The following SLC35F4 variants were observed in gnomAD, a reference collection of about 807,000 sequenced individuals.
SLC35F4 encodes solute carrier family 35 member F4, also known as chromosome 14 open reading frame 36.
Under a neutral mutation model 44.2 loss-of-function variants are expected in SLC35F4, and 24 were observed. The observed-to-expected ratio is 0.54, with a 90% CI of 0.39 to 0.76. The LOEUF (loss-of-function observed/expected upper bound fraction) is 0.76. SLC35F4 is among the 30% of genes least tolerant of loss of function. SLC35F4 has a pLI of 0.00. For missense variants in SLC35F4, 562 were observed against 586.1 expected, an observed-to-expected ratio of 0.96 and a Z score of 0.42; for synonymous variants, 238 against 223.6, an observed-to-expected ratio of 1.06 and a Z score of -0.57.
chr14:57,568,086 G>A (rs2068293533), intron 6 of SLC35F4, among the ~76,000 whole-genome samples: 1 of 152,218 alleles, frequency 6.6e-6, no homozygotes, highest in Non-Finnish European at 1.5e-5. Context: ...TGTGTAACAG[G>A]CTGGAGGGAG....
At chr14:57,775,627 A>T (rs1289283443) in intron 1 of SLC35F4, among the ~76,000 whole-genome samples, 1 of 152,242 alleles carries the variant, frequency 6.6e-6, no homozygotes, top group East Asian at 1.9e-4. Flanking sequence ...CATCAATGGG[A>T]TAACAGAAAT....
Position 57,696,455 on chromosome 14 carries a change from T to C in SLC35F4, c.104-102331A>G, listed in dbSNP as rs148556810. Among the ~76,000 whole-genome samples, 152 of 152,302 alleles carry C rather than the reference T, an allele frequency of 1.0e-3. 1 individual carries two copies. Among genetic ancestry groups the C allele is most frequent in the African/African-American group, 3.4e-3 (141 of 41,578 alleles). On this transcript the variant is annotated intron_variant, in intron 1 of 7. Coordinates refer to ENST00000556826, the MANE Select transcript of SLC35F4 (RefSeq NM_001306087.2). ...AGGATGTGGAGAAATAGGAATGGTT[T>C]TACACTGTTGGTGGGACTGTAAATT...
At chr14:57,684,676 C>T (rs958189243) in intron 1 of SLC35F4, among the ~76,000 whole-genome samples, 7 of 152,190 alleles carry the variant, frequency 4.6e-5, no homozygotes, top group African/African-American at 1.7e-4. Flanking sequence ...CTGAAGAGCT[C>T]TTCCTGGCCT....
chr14:57,968,084 C>T (rs1880935511), intron 1 of SLC35F4, among the ~76,000 whole-genome samples: 1 of 152,118 alleles, frequency 6.6e-6, no homozygotes, highest in African/African-American at 2.4e-5. Context: ...TAAAATTTGT[C>T]AGAAATGTAC....
chr14:57,572,557 T>C (rs1027475639), intron 4 of SLC35F4, among the ~76,000 whole-genome samples: 2 of 152,174 alleles, frequency 1.3e-5, no homozygotes. Flanking sequence ...AAATAAATTC[T>C]CATAGAGATG....
intron 1 of SLC35F4, among the ~76,000 whole-genome samples, chr14:57,711,788 T>C (rs904134621): frequency 3.3e-5 from 5 of 152,218 alleles, no homozygotes; most frequent in Middle Eastern, 3.2e-3. Flanking sequence ...TTAAGCTGCA[T>C]GCAGCACTAC....
At chr14:57,936,319 T>C (rs1358398444) in intron 1 of SLC35F4, among the ~76,000 whole-genome samples, 2 of 152,188 alleles carry the variant, frequency 1.3e-5, no homozygotes, top group Admixed American at 6.5e-5. Context: ...TTAAGGCTCA[T>C]AGGGAATATA....
intron 1 of SLC35F4, among the ~76,000 whole-genome samples, chr14:57,969,030 T>C (rs1214049406): frequency 6.6e-6 from 1 of 152,184 alleles, no homozygotes; most frequent in Non-Finnish European, 1.5e-5. Context: ...ATTAATATAA[T>C]GTTAAAGAGG....
In SLC35F4 at chr14:57,866,015, A is replaced by G. The variant is rs1026394283; in HGVS notation, c.-190T>C. On this transcript the variant is annotated 5_prime_UTR_variant, in exon 1 of 8. Transcript: ENST00000556826. Reference sequence around the variant, plus strand: ...GCGGCGGCGGCGGCGGCGGCGGCGGAGCGGCCCCCACTCGGGCCGGCCTCT... The same window carrying G: ...GCGGCGGCGGCGGCGGCGGCGGCGGGGCGGCCCCCACTCGGGCCGGCCTCT... 1 of 322,798 alleles carries G rather than the reference A, an allele frequency of 3.1e-6. No homozygotes were observed. Among genetic ancestry groups the G allele is most frequent in the East Asian group, 7.6e-5 (1 of 13,128 alleles). The allele number at this position is 322,798 out of a possible 1,614,324, so 20.0% of individuals were successfully genotyped here. A position where few individuals can be genotyped will look rare whatever the true frequency, so the allele number is the denominator to read the frequency against.
chr14:57,895,237 G>T (rs916633148), intron 1 of SLC35F4, among the ~76,000 whole-genome samples: 3 of 152,054 alleles, frequency 2.0e-5, no homozygotes, highest in Admixed American at 6.6e-5. Flanking sequence ...ACTCTTACTG[G>T]CCAAGCACTT....
intron 1 of SLC35F4, among the ~76,000 whole-genome samples, chr14:57,737,361 T>A (rs2076492486): frequency 6.6e-6 from 1 of 152,054 alleles, no homozygotes; most frequent in South Asian, 2.1e-4. Context: ...GATTTCCCAG[T>A]TTATTTTCTG....
At chr14:57,684,562 C>T (rs890841432) in intron 1 of SLC35F4, among the ~76,000 whole-genome samples, 5 of 152,198 alleles carry the variant, frequency 3.3e-5, no homozygotes, top group African/African-American at 1.2e-4. Context: ...CTGCTGCTCA[C>T]CTCCTGCTGT....
intron 1 of SLC35F4, among the ~76,000 whole-genome samples, chr14:57,620,657 G>T (rs182108546): frequency 2.0e-5 from 3 of 152,230 alleles, no homozygotes; most frequent in African/African-American, 7.2e-5. Flanking sequence ...TTGGCTGTGG[G>T]TTTGTCATAG....
intron 1 of SLC35F4, among the ~76,000 whole-genome samples, chr14:57,941,445 A>G (rs951176095): frequency 6.6e-6 from 1 of 152,242 alleles, no homozygotes; most frequent in Non-Finnish European, 1.5e-5. Flanking sequence ...CAAAAGTCAC[A>G]TAGTGTAGGA....
rs756819327 is a variant in SLC35F4, at chr14:57,564,103, T to C, written c.*32A>G. ...AAAATTTTGTTATATTCACAGAATA[T>C]ACATACACGTGCATTCAAAATATGT... is the stretch of plus-strand genomic sequence containing the variant. On this transcript the variant is annotated 3_prime_UTR_variant, in exon 8 of 8. Coordinates refer to ENST00000556826, the MANE Select transcript of SLC35F4 (RefSeq NM_001306087.2). The C allele has an allele frequency of 6.2e-7, 1 of 1,610,916 alleles. No homozygotes were observed. The highest frequency in any genetic ancestry group is 2.2e-5 in the East Asian group (1 of 44,774).
intron 1 of SLC35F4, among the ~76,000 whole-genome samples, chr14:57,807,875 A>G (rs1358790698): frequency 1.3e-5 from 2 of 151,934 alleles, no homozygotes; most frequent in Admixed American, 6.5e-5. Context: ...TCACAGTTCT[A>G]CATGGCTGGG....
At chr14:57,739,008 C>T (rs199736956) in intron 1 of SLC35F4, among the ~76,000 whole-genome samples, 5 of 100,140 alleles carry the variant, frequency 5.0e-5, no homozygotes, top group Admixed American at 9.8e-5. Context: ...TACAAAGTTT[C>T]TTTTTTATCC....
intron 1 of SLC35F4, among the ~76,000 whole-genome samples, chr14:57,745,931 T>G (rs1395492363): frequency 5.3e-5 from 8 of 152,122 alleles, no homozygotes; most frequent in African/African-American, 1.9e-4. Flanking sequence ...ATGTCCTTTG[T>G]AGGGACATGG....
chr14:57,703,171 T>C (rs1231051487), intron 1 of SLC35F4, among the ~76,000 whole-genome samples: 1 of 152,112 alleles, frequency 6.6e-6, no homozygotes, highest in Non-Finnish European at 1.5e-5. Context: ...TGAGTGCTAT[T>C]TTCGTCCATC....
Sources: allele counts gnomAD v4.1 joint callset (sites outside exome capture counted in the v4.1 genomes callset), GRCh38; gene constraint gnomAD v4.1.1; transcripts MANE v1.5; gene names NCBI Gene and HGNC (gene_info 2026-07-23, HGNC 2026-07-21).